The following ADTRP variants were observed in gnomAD, a reference collection of about 807,000 sequenced individuals.
ADTRP encodes androgen dependent TFPI regulating protein.
Under a neutral mutation model 27.0 loss-of-function variants are expected in ADTRP, and 20 were observed. The observed-to-expected ratio is 0.74, with a 90% confidence interval of 0.52 to 1.08. ADTRP has a LOEUF of 1.08. Among genes scored for constraint, ADTRP ranks in the 50% least tolerant of loss-of-function variants. The pLI, the probability that ADTRP is intolerant of heterozygous loss-of-function variation, is 0.00. For synonymous variants in ADTRP, 101 were observed against 105.2 expected (o/e 0.96, Z 0.25); for missense variants, 251 against 275.0 (o/e 0.91, Z 0.62).
chr6:11,765,319 G>A (rs957349207), intron 3 of ADTRP, among the ~76,000 whole-genome samples: 2 of 112,526 alleles, frequency 1.8e-5, no homozygotes, highest in Non-Finnish European at 3.5e-5. Flanking sequence ...CTTTCCCCTG[G>A]TTTGTTTTTT....
At chr6:11,723,615 C>A in intron 4 of ADTRP, 115 bp from the exon 5 acceptor site, 1 of 1,196,964 alleles carries the variant, frequency 8.4e-7, no homozygotes, top group Non-Finnish European at 1.2e-6. Flanking sequence ...CCATCAGGGA[C>A]GTTTGTCAAC....
chr6:11,714,734 AGCCAG>A (rs1561735262), intron 5 of ADTRP, among the ~76,000 whole-genome samples: 2 of 152,250 alleles, frequency 1.3e-5, no homozygotes, highest in Non-Finnish European at 2.9e-5. Flanking sequence ...GTTCACAGTT[AGCCAG>A]GCACCCACGA....
Position 11,766,309 on chromosome 6 carries a change from C to G in ADTRP, c.355G>C (p.Asp119His). The change falls in exon 3 of 6, where the codon GAT becomes CAT. Residue 119 changes from aspartate (D) to histidine (H), a missense_variant. Physicochemically the swap from Asp to His is moderately conservative, Grantham distance 81. Transcript: ENST00000414691. ...NRDLIYPKVL[D>H]TVIPVWLNHA... ...TTCAGCCACACGGGGATGACAGTAT[C>G]TAGGACCTTGGGGTAAATGAGATCT... 3 of 1,612,926 alleles carry G rather than the reference C, an allele frequency of 1.9e-6. No homozygotes were observed. The highest frequency in any genetic ancestry group is 2.5e-6 in the Non-Finnish European group (3 of 1,179,392).
Position 11,752,788 on chromosome 6 carries a change from CTG to C in ADTRP, c.390+13484_390+13485del, listed in dbSNP as rs374492202. ...CATGAGAATGCCTCTCATTGGCTGA[CTG>C]TTGCCTGGAACCATATGGAGAAAGG... On this transcript the variant is annotated intron_variant, in intron 3 of 5. Transcript: ENST00000414691. 8.5e-5 allele frequency among the ~76,000 whole-genome samples: 13 copies of C among 152,324 alleles called. No individual in the cohort carries two copies. In the East Asian group the frequency reaches 2.5e-3, roughly 29 times the overall value.
intron 4 of ADTRP, among the ~76,000 whole-genome samples, chr6:11,725,057 T>C (rs914228138): frequency 6.6e-6 from 1 of 152,248 alleles, no homozygotes; most frequent in African/African-American, 2.4e-5. Context: ...GCTTAAACTT[T>C]CAGAAACCCA....
Position 11,766,309 on chromosome 6 carries a change from C to T in ADTRP, c.355G>A (p.Asp119Asn). 1 of 1,612,926 alleles carries T rather than the reference C, an allele frequency of 6.2e-7. No individual in the cohort carries two copies. ...NRDLIYPKVLDTVIPVWLNHA... is the reference protein window; with the variant it reads ...NRDLIYPKVLNTVIPVWLNHA... ...TTCAGCCACACGGGGATGACAGTATCTAGGACCTTGGGGTAAATGAGATCT... is the reference window on the plus strand; with the variant it reads ...TTCAGCCACACGGGGATGACAGTATTTAGGACCTTGGGGTAAATGAGATCT... Residue 119 changes from aspartate to asparagine, a missense_variant, in exon 3 of 6, where the codon GAT becomes AAT. Coordinates refer to ENST00000414691, the MANE Select transcript of ADTRP (RefSeq NM_032744.4).
intron 3 of ADTRP, chr6:11,736,005 C>G (rs1054841084): frequency 4.6e-6 from 1 of 217,794 alleles, no homozygotes; most frequent in African/African-American, 2.3e-5. Flanking sequence ...GTCACTCACC[C>G]AGGCTGGAGT....
At chr6:11,741,053 G>A (rs1362035924) in intron 3 of ADTRP, among the ~76,000 whole-genome samples, 2 of 152,124 alleles carry the variant, frequency 1.3e-5, no homozygotes, top group African/African-American at 4.8e-5. Context: ...AGACACTACT[G>A]TCATTAAAGA....
At chr6:11,735,259 C>T (rs1340504063) in intron 4 of ADTRP, among the ~76,000 whole-genome samples, 4 of 152,182 alleles carry the variant, frequency 2.6e-5, no homozygotes, top group Non-Finnish European at 1.5e-5. Context: ...GAAGATAGAA[C>T]CAAGGAGCAA....
intron 4 of ADTRP, among the ~76,000 whole-genome samples, chr6:11,724,177 A>T (rs1271713659): frequency 6.6e-6 from 1 of 152,172 alleles, no homozygotes; most frequent in East Asian, 1.9e-4. Flanking sequence ...CTGCTGAGAC[A>T]TTGAACCTGC....
chr6:11,742,644 A>G (rs1411331961), intron 3 of ADTRP, among the ~76,000 whole-genome samples: 1 of 152,232 alleles, frequency 6.6e-6, no homozygotes, highest in Non-Finnish European at 1.5e-5. Context: ...CATTTTAGCG[A>G]GACTAAGCCT....
At chr6:11,768,505 G>C in intron 1 of ADTRP, 122 bp from the exon 2 acceptor site, 1 of 1,322,788 alleles carries the variant, frequency 7.6e-7, no homozygotes, top group Non-Finnish European at 1.0e-6. Flanking sequence ...CTGTTGGGTT[G>C]TTTTGGTTGA....
chr6:11,735,453 T>C, intron 4 of ADTRP, 115 bp downstream of exon 4: 1 of 732,976 alleles, frequency 1.4e-6, no homozygotes, highest in Non-Finnish European at 2.2e-6. Flanking sequence ...TAAACATGAT[T>C]AAATCCTTAT....
chr6:11,716,713 CTTTTTCTTTTT>C (rs1561736840), intron 5 of ADTRP, among the ~76,000 whole-genome samples: 1 of 72,360 alleles, frequency 1.4e-5, no homozygotes, highest in African/African-American at 5.0e-5. Flanking sequence ...TTTTCTTTTT[CTTTTTCTTTTT>C]TTTTTTTTGA....
intron 3 of ADTRP, 83 bp downstream of exon 3, chr6:11,766,191 T>A: frequency 9.8e-7 from 1 of 1,018,584 alleles, no homozygotes; most frequent in Non-Finnish European, 1.5e-6. Flanking sequence ...TTGAGACATT[T>A]GGAAACATAG....
intron 3 of ADTRP, among the ~76,000 whole-genome samples, chr6:11,737,539 G>T (rs1581330746): frequency 6.6e-6 from 1 of 152,286 alleles, no homozygotes; most frequent in South Asian, 2.1e-4. Context: ...AGCTGATCTG[G>T]CTACGGCAGT....
At position 11,735,630 on chromosome 6, in the gene ADTRP, G is replaced by T; in HGVS notation, c.444C>A (p.Ser148=). 6.2e-7 allele frequency: 1 copy of T among 1,614,144 alleles called. No individual in the cohort carries two copies. Among genetic ancestry groups the T allele is most frequent in the Non-Finnish European group, 8.5e-7 (1 of 1,180,012 alleles). Residue 148 remains serine, a synonymous_variant, in exon 4 of 6, where the codon TCC becomes TCA. Transcript: ENST00000414691. Reference sequence around the variant, plus strand: ...TGAGTCCTGTCTTCTTTGATGGATAGGAGTGAGGCCTGAGGACGACTTCAG... The same window carrying T: ...TGAGTCCTGTCTTCTTTGATGGATATGAGTGAGGCCTGAGGACGACTTCAG... ...TLAEVVLRPH[S]YPSKKTGLTL...
intron 4 of ADTRP, among the ~76,000 whole-genome samples, chr6:11,731,772 G>GT (rs1360100336): frequency 6.6e-6 from 1 of 151,774 alleles, no homozygotes; most frequent in Admixed American, 6.6e-5. Flanking sequence ...TTTTTATGAG[G>GT]TTTTACCACT....
At chr6:11,769,468 C>A (rs1389634385) in intron 1 of ADTRP, among the ~76,000 whole-genome samples, 1 of 152,136 alleles carries the variant, frequency 6.6e-6, no homozygotes, top group Non-Finnish European at 1.5e-5. Flanking sequence ...ACCAGCTACA[C>A]CCATCACCCA....
Sources: allele counts gnomAD v4.1 joint callset (sites outside exome capture counted in the v4.1 genomes callset), GRCh38; gene constraint gnomAD v4.1.1; transcripts MANE v1.5; gene names NCBI Gene and HGNC (gene_info 2026-07-23, HGNC 2026-07-21).